GALM: variants seen among roughly 807,000 people sequenced by gnomAD.
GALM encodes the protein galactose mutarotase, also known as aldose 1-epimerase.
GALM carries 43 observed loss-of-function variants against 37.4 expected under a neutral mutation model. The observed-to-expected ratio is 1.15, with a 90% CI of 0.90 to 1.48. GALM has a LOEUF of 1.48. GALM is among the 40% of genes most tolerant of loss of function. The pLI is 0.00. For synonymous variants in GALM, 199 were observed against 170.6 expected (o/e 1.17, Z -1.30); for missense variants, 456 against 419.1 (o/e 1.09, Z -0.77).
chr2:38,720,646 G>A (rs1666357303), intron 4 of GALM, among the ~76,000 whole-genome samples: 1 of 152,130 alleles, frequency 6.6e-6, no homozygotes, highest in African/African-American at 2.4e-5. Flanking sequence ...GGCACATCTT[G>A]TCTCTGCACA....
chr2:38,706,902 T>A, intron 4 of GALM, among the ~76,000 whole-genome samples: 1 of 150,268 alleles, frequency 6.7e-6, no homozygotes, highest in East Asian at 2.0e-4. Context: ...GCTATTTTAA[T>A]AGTCCAAGCA....
Position 38,675,518 on chromosome 2 carries a change from GTTTTTTTGTTTTT to G in GALM, c.191-386_191-374del, listed in dbSNP as rs1241846540. ...CATGCAACACACCTTTGGATTGAGG[GTTTTTTTGTTTTT>G]TTTTTTTTTTTTTGTGTGTGTGTGT... On this transcript the variant is annotated intron_variant, in intron 1 of 6. Transcript: ENST00000272252. Among the ~76,000 whole-genome samples the G allele has an allele frequency of 1.3e-4, 14 of 104,978 alleles. No individual in the cohort carries two copies. In the East Asian group the frequency reaches 2.6e-3, roughly 20 times the overall value. 68.9% of individuals were successfully genotyped at this position (104,978 alleles called of 152,430 possible). A position where few individuals can be genotyped will look rare whatever the true frequency, so the allele number is the denominator to read the frequency against.
chr2:38,698,087 G>A (rs558137550), intron 4 of GALM, among the ~76,000 whole-genome samples: 1 of 152,036 alleles, frequency 6.6e-6, no homozygotes, highest in South Asian at 2.1e-4. Flanking sequence ...GGGACTACAG[G>A]TGCGCACCAC....
At chr2:38,690,332 T>G (rs1665644299) in intron 4 of GALM, among the ~76,000 whole-genome samples, 1 of 151,984 alleles carries the variant, frequency 6.6e-6, no homozygotes. Flanking sequence ...AAAAAAAAAT[T>G]TTTTTAATGC....
chr2:38,688,186 T>C (rs544952272), intron 3 of GALM, among the ~76,000 whole-genome samples: 1 of 146,094 alleles, frequency 6.8e-6, no homozygotes, highest in East Asian at 2.0e-4. Flanking sequence ...CACTCCGGCC[T>C]GGGCGACAGA....
intron 4 of GALM, among the ~76,000 whole-genome samples, chr2:38,715,509 C>T (rs1666252478): frequency 6.6e-6 from 1 of 152,194 alleles, no homozygotes; most frequent in East Asian, 1.9e-4. Context: ...GCAATCACAG[C>T]TCACTTTAGC....
chr2:38,701,443 G>A (rs1665914475), intron 4 of GALM, among the ~76,000 whole-genome samples: 1 of 152,142 alleles, frequency 6.6e-6, no homozygotes, highest in Admixed American at 6.5e-5. Context: ...TTTGAAAGTA[G>A]CATTAGTAAA....
chr2:38,717,524 C>G (rs190323407), intron 4 of GALM, among the ~76,000 whole-genome samples: 1 of 151,974 alleles, frequency 6.6e-6, no homozygotes, highest in African/African-American at 2.4e-5. Context: ...TTGAGCCTCC[C>G]AAGTAGCTGG....
chr2:38,686,261 T>TTTCTTTC (rs1402183584), intron 3 of GALM, among the ~76,000 whole-genome samples: 3 of 115,654 alleles, frequency 2.6e-5, no homozygotes, highest in African/African-American at 1.2e-4. Flanking sequence ...TCTTTCTTTC[T>TTTCTTTC]TTCTTTCTTT....
rs1160196072 is a variant in GALM, at chr2:38,675,543, TTGTGTGTGTGTGTGTGTG to T, written c.191-340_191-323del. Among the ~76,000 whole-genome samples the T allele has an allele frequency of 7.5e-3, 250 of 33,362 alleles. 1 individual carries two copies. The highest frequency in any genetic ancestry group is 0.03 in the South Asian group (24 of 810). 21.9% of individuals were successfully genotyped at this position (33,362 alleles called of 152,430 possible). On this transcript the variant is annotated intron_variant, in intron 1 of 6. Transcript: ENST00000272252. The stretch of plus-strand genomic sequence containing the variant: ...GTTTTTTTGTTTTTTTTTTTTTTTT[TTGTGTGTGTGTGTGTGTG>T]TGTGTGTGTGTGTGTGTGTGTGTGT...
intron 3 of GALM, among the ~76,000 whole-genome samples, chr2:38,688,214 A>C (rs954972823): frequency 6.7e-6 from 1 of 149,984 alleles, no homozygotes; most frequent in Non-Finnish European, 1.5e-5. Flanking sequence ...TCCGTCTCAA[A>C]AAAAAAAAAA....
intron 4 of GALM, among the ~76,000 whole-genome samples, chr2:38,719,960 T>G (rs1461536235): frequency 6.6e-6 from 1 of 151,824 alleles, no homozygotes; most frequent in Non-Finnish European, 1.5e-5. Flanking sequence ...ACCAACACTT[T>G]GGGAGGCTGA....
At chr2:38,714,268 G>A (rs1666225955) in intron 4 of GALM, among the ~76,000 whole-genome samples, 1 of 152,094 alleles carries the variant, frequency 6.6e-6, no homozygotes. Context: ...AGGCGGGAGT[G>A]CAGTGGTGTG....
Position 38,700,352 on chromosome 2 carries a change from G to A in GALM, c.634+10458G>A, listed in dbSNP as rs143030965. On this transcript the variant is annotated intron_variant, in intron 4 of 6. Coordinates refer to ENST00000272252, the MANE Select transcript of GALM (RefSeq NM_138801.3). ...GTTGAATTCCCCAGCTATTGTATTGGTGTCTATGTCTCCCTTTAGATCTAA... is the reference window on the plus strand; with the variant it reads ...GTTGAATTCCCCAGCTATTGTATTGATGTCTATGTCTCCCTTTAGATCTAA... Among the ~76,000 whole-genome samples the A allele has an allele frequency of 8.2e-3, 1,255 of 152,152 alleles. 11 individuals carry two copies. Among genetic ancestry groups the A allele is most frequent in the African/African-American group, 0.028 (1,175 of 41,490 alleles).
At chr2:38,687,930 G>A (rs1034239473) in intron 3 of GALM, among the ~76,000 whole-genome samples, 2 of 151,952 alleles carry the variant, frequency 1.3e-5, no homozygotes, top group Admixed American at 6.6e-5. Context: ...AAAACCAGTC[G>A]GCCGGGCACA....
chr2:38,733,524 G>C lies in GALM; in HGVS notation c.988G>C (p.Glu330Gln). ...FPPVLLRPGE[E>Q]YDHTTWFKFS... is the part of the protein sequence containing the mutation. ...TCCTGTGCTGCTGAGGCCTGGTGAGGAGTATGACCACACCACCTGGTTCAA... is the reference window on the plus strand; with the variant it reads ...TCCTGTGCTGCTGAGGCCTGGTGAGCAGTATGACCACACCACCTGGTTCAA... Residue 330 changes from glutamate (E) to glutamine (Q), a missense_variant, in exon 7 of 7, where the codon GAG becomes CAG. Transcript: ENST00000272252. 2 of 1,614,096 alleles carry C rather than the reference G, an allele frequency of 1.2e-6. No individual in the cohort carries two copies. Among genetic ancestry groups the C allele is most frequent in the Non-Finnish European group, 1.7e-6 (2 of 1,179,978 alleles).
intron 2 of GALM, among the ~76,000 whole-genome samples, chr2:38,676,946 TGGCGCTGCACCAA>T: frequency 6.6e-6 from 1 of 152,314 alleles, no homozygotes; most frequent in South Asian, 2.1e-4. Context: ...CCATGCAGCA[TGGCGCTGCACCAA>T]GGCCTGCCCT....
intron 4 of GALM, among the ~76,000 whole-genome samples, chr2:38,714,528 A>T (rs1330007119): frequency 5.9e-5 from 9 of 152,118 alleles, no homozygotes; most frequent in Non-Finnish European, 1.5e-5. Flanking sequence ...ACACTTTGAA[A>T]CAGGGTGTAA....
chr2:38,705,519 T>A (rs1233410358), intron 4 of GALM, among the ~76,000 whole-genome samples: 1 of 152,142 alleles, frequency 6.6e-6, no homozygotes, highest in Non-Finnish European at 1.5e-5. Flanking sequence ...AGAAAGAGGA[T>A]TCTCAAGATT....
Sources: allele counts gnomAD v4.1 joint callset (sites outside exome capture counted in the v4.1 genomes callset), GRCh38; gene constraint gnomAD v4.1.1; transcripts MANE v1.5; gene names NCBI Gene and HGNC (gene_info 2026-07-23, HGNC 2026-07-21).